Variants in PERP observed in about 807,000 individuals in gnomAD.
The protein encoded by PERP is p53 apoptosis effector related to PMP-22.
Under a neutral mutation model 20.3 loss-of-function variants are expected in PERP, and 11 were observed. The observed-to-expected ratio is 0.54, with a 90% confidence interval of 0.34 to 0.90. The LOEUF (loss-of-function observed/expected upper bound fraction) is 0.90. PERP is among the 40% of genes least tolerant of loss of function. PERP has a pLI of 0.02. For missense variants in PERP, 224 were observed against 249.4 expected (o/e 0.90, Z 0.69); for synonymous variants, 101 against 102.0 (o/e 0.99, Z 0.06).
chr6:138,102,216 A>C (rs935794318), intron 1 of PERP, among the ~76,000 whole-genome samples: 1 of 152,252 alleles, frequency 6.6e-6, no homozygotes, highest in East Asian at 1.9e-4. Flanking sequence ...TTAACCCTTA[A>C]TAACCTTCTT....
At chr6:138,102,222 T>C (rs1349020002) in intron 1 of PERP, among the ~76,000 whole-genome samples, 1 of 152,230 alleles carries the variant, frequency 6.6e-6, no homozygotes, top group Non-Finnish European at 1.5e-5. Flanking sequence ...CTTAATAACC[T>C]TCTTTTAGAC....
chr6:138,101,422 A>G (rs1388256155), intron 1 of PERP, among the ~76,000 whole-genome samples: 1 of 152,148 alleles, frequency 6.6e-6, no homozygotes. Flanking sequence ...AATAAAATAA[A>G]CTTTTATTTT....
intron 1 of PERP, among the ~76,000 whole-genome samples, chr6:138,105,875 A>G (rs768990036): frequency 6.6e-6 from 1 of 152,188 alleles, no homozygotes; most frequent in African/African-American, 2.4e-5. Flanking sequence ...GGCACAGTGT[A>G]TGGGTTTTCA....
At chr6:138,095,982 C>G (rs770814745) in intron 2 of PERP, among the ~76,000 whole-genome samples, 3 of 152,158 alleles carry the variant, frequency 2.0e-5, no homozygotes, top group Non-Finnish European at 4.4e-5. Context: ...GCATTCAGGT[C>G]CCCTCAGCAG....
At position 138,100,551 on chromosome 6, in the gene PERP, T is replaced by TGTGC. The variant is rs1368165041; in HGVS notation, c.215-4058_215-4057insGCAC. Among the ~76,000 whole-genome samples, 27 of 151,870 alleles carry TGTGC rather than the reference T, an allele frequency of 1.8e-4. No individual in the cohort carries two copies. In the East Asian group the frequency reaches 2.3e-3, roughly 13 times the overall value. On this transcript the variant is annotated intron_variant, in intron 1 of 2. Transcript: ENST00000421351. ...ATTTTATATACCAGATTTGTGTGTG[T>TGTGC]GTGTGTGTGTGTGTGTGTGTGTGTA...
chr6:138,105,990 G>C (rs1224551107), intron 1 of PERP, among the ~76,000 whole-genome samples: 1 of 152,074 alleles, frequency 6.6e-6, no homozygotes, highest in Non-Finnish European at 1.5e-5. Flanking sequence ...GGGAAGTGAC[G>C]TCCAAAGGAT....
chr6:138,106,124 T>A (rs1402584031), intron 1 of PERP, among the ~76,000 whole-genome samples: 1 of 152,118 alleles, frequency 6.6e-6, no homozygotes, highest in Non-Finnish European at 1.5e-5. Context: ...TAGTAAGAAA[T>A]GAAAACAGGC....
intron 2 of PERP, 113 bp downstream of exon 2, chr6:138,096,241 C>T (rs1051437139): frequency 7.5e-7 from 1 of 1,338,964 alleles, no homozygotes; most frequent in Non-Finnish European, 1.0e-6. Context: ...GATACATTTT[C>T]CGAGAACAGA....
intron 1 of PERP, 46 bp from the exon 2 acceptor site, chr6:138,096,540 G>C: frequency 6.4e-7 from 1 of 1,559,894 alleles, no homozygotes; most frequent in Non-Finnish European, 8.7e-7. Context: ...GACATACCAA[G>C]TTTAAAAATT....
chr6:138,096,070 G>A (rs895126011), intron 2 of PERP, among the ~76,000 whole-genome samples: 3 of 152,170 alleles, frequency 2.0e-5, no homozygotes, highest in Admixed American at 6.5e-5. Flanking sequence ...CTAGTTTCTC[G>A]GGTAGAGGAG....
At chr6:138,102,968 G>C (rs1246293465) in intron 1 of PERP, among the ~76,000 whole-genome samples, 1 of 151,608 alleles carries the variant, frequency 6.6e-6, no homozygotes, top group Non-Finnish European at 1.5e-5. Flanking sequence ...GCGTGGTGGC[G>C]GGCGCCTGTA....
chr6:138,096,504 A>C lies in PERP; in HGVS notation c.215-10T>G, dbSNP rs1175631480. Reference sequence around the variant, plus strand: ...GCTGCTCTACCCCACGCTGCAAGAAAAAAAGAAACAGCAATTAACAAGACA... The same window carrying C: ...GCTGCTCTACCCCACGCTGCAAGAACAAAAGAAACAGCAATTAACAAGACA... On this transcript the variant is annotated splice_polypyrimidine_tract_variant and intron_variant, in intron 1 of 2. Coordinates refer to ENST00000421351, the MANE Select transcript of PERP (RefSeq NM_022121.5). 2.5e-6 allele frequency: 4 copies of C among 1,602,472 alleles called. No individual in the cohort carries two copies. Among genetic ancestry groups the C allele is most frequent in the Non-Finnish European group, 3.4e-6 (4 of 1,175,406 alleles).
At chr6:138,094,307 C>A (rs1210222778) in intron 2 of PERP, among the ~76,000 whole-genome samples, 1 of 152,128 alleles carries the variant, frequency 6.6e-6, no homozygotes, top group African/African-American at 2.4e-5. Flanking sequence ...TTCCCTCCCC[C>A]CAGCCCCTGG....
chr6:138,107,044 G>T lies in PERP; in HGVS notation c.214+83C>A. The T allele has an allele frequency of 1.5e-6, 2 of 1,375,718 alleles. No homozygotes were observed. Among genetic ancestry groups the T allele is most frequent in the Non-Finnish European group, 2.0e-6 (2 of 1,012,948 alleles). 85.2% of individuals were successfully genotyped at this position (1,375,718 alleles called of 1,614,324 possible). A position where few individuals can be genotyped will look rare whatever the true frequency, so the allele number is the denominator to read the frequency against. ...CACTGGCTCCCCCGACCCTGTGAGG[G>T]CCCATCACGCGCGGCGGCTTTTGCA... On this transcript the variant is annotated intron_variant, in intron 1 of 2. Transcript: ENST00000421351. This position sits in a 1 kb window ranked among gnomAD's most constrained non-coding sequence, Gnocchi z 4.8.
intron 1 of PERP, among the ~76,000 whole-genome samples, chr6:138,099,284 A>C (rs79989686): frequency 1.0e-3 from 157 of 152,350 alleles, no homozygotes; most frequent in Middle Eastern, 0.01. Context: ...CACTACCAAA[A>C]AGGATCATAT....
At chr6:138,095,869 A>T (rs1218691712) in intron 2 of PERP, among the ~76,000 whole-genome samples, 2 of 152,206 alleles carry the variant, frequency 1.3e-5, no homozygotes, top group Admixed American at 6.5e-5. Context: ...TGCAGATTCC[A>T]GTTCTGGCCC....
In PERP at chr6:138,092,197, G is replaced by A. The variant is rs1293752617; in HGVS notation, c.427C>T (p.Pro143Ser). 2 of 1,614,116 alleles carry A rather than the reference G, an allele frequency of 1.2e-6. No individual in the cohort carries two copies. The highest frequency in any genetic ancestry group is 1.7e-6 in the Non-Finnish European group (2 of 1,179,974). The part of the protein sequence containing the change: ...YTQTFTLHAN[P>S]AVTYIYNWAY... ...CAGTTATAGATGTAAGTGACAGCAG[G>A]GTTGGCATGAAGGGTGAAGGTCTGG... Residue 143 changes from proline (P) to serine (S), a missense_variant, in exon 3 of 3, where the codon CCT becomes TCT. Coordinates refer to ENST00000421351, the MANE Select transcript of PERP (RefSeq NM_022121.5).
At chr6:138,095,578 C>T (rs1775673297) in intron 2 of PERP, among the ~76,000 whole-genome samples, 1 of 152,166 alleles carries the variant, frequency 6.6e-6, no homozygotes, top group African/African-American at 2.4e-5. Flanking sequence ...TAAGAAATGA[C>T]CTGAGGCCTC....
rs932220435 is a variant in PERP at position 138,088,978 on chromosome 6, T to C, written c.*3064A>G. 6.6e-6 allele frequency: 1 copy of C among 152,192 alleles called. No homozygotes were observed. The highest frequency in any genetic ancestry group is 2.4e-5 in the African/African-American group (1 of 41,442). The allele number at this position is 152,192 out of a possible 1,614,324, so 9.4% of individuals were successfully genotyped here. A position where few individuals can be genotyped will look rare whatever the true frequency, so the allele number is the denominator to read the frequency against. On this transcript the variant is annotated 3_prime_UTR_variant, in exon 3 of 3. Transcript: ENST00000421351. ...GGGACTGAATCTATTCGTTCCAACC[T>C]CCCTAAGCAATCCACTTATTGATCA... is the stretch of plus-strand genomic sequence containing the variant.
Sources: allele counts gnomAD v4.1 joint callset (sites outside exome capture counted in the v4.1 genomes callset), GRCh38; gene constraint gnomAD v4.1.1; non-coding constraint Gnocchi (gnomAD v3.1); transcripts MANE v1.5; gene names NCBI Gene and HGNC (gene_info 2026-07-23, HGNC 2026-07-21).